Variants in TRPV1 observed in about 807,000 individuals in gnomAD.
The protein encoded by TRPV1 is transient receptor potential cation channel subfamily V member 1.
In TRPV1, 82 loss-of-function variants were observed where a neutral mutation model predicts 82.3. The ratio of observed to expected loss-of-function variants is 1.00; its 90% confidence interval spans 0.83 to 1.20. The LOEUF (loss-of-function observed/expected upper bound fraction) is 1.20. Ranked by LOEUF, TRPV1 falls within the 50% of genes most tolerant of loss-of-function variation. The pLI, the probability that TRPV1 is intolerant of heterozygous loss-of-function variation, is 0.00. For missense variants in TRPV1, 1,067 were observed against 1,096.8 expected (o/e 0.97, Z 0.38); for synonymous variants, 515 against 467.7 (o/e 1.10, Z -1.30).
At chr17:3,571,857 C>G (rs2074858306) in intron 15 of TRPV1, among the ~76,000 whole-genome samples, 1 of 152,182 alleles carries the variant, frequency 6.6e-6, no homozygotes, top group South Asian at 2.1e-4. Flanking sequence ...GGATGCCAGG[C>G]TCTGACGCTG....
chr17:3,597,725 G>A (rs571149596), intron 2 of TRPV1, among the ~76,000 whole-genome samples: 1 of 147,796 alleles, frequency 6.8e-6, no homozygotes, highest in East Asian at 2.0e-4. Flanking sequence ...CCAGGCTGGA[G>A]TGCAATGGCG....
chr17:3,602,413 A>G (rs1032583885), intron 2 of TRPV1: 1 of 152,242 alleles, frequency 6.6e-6, no homozygotes, highest in Non-Finnish European at 1.5e-5. Flanking sequence ...AACTCTCGAC[A>G]TGGTGGCGGG....
intron 10 of TRPV1, 122 bp downstream of exon 10, chr17:3,583,216 C>A: frequency 1.1e-6 from 1 of 896,522 alleles, no homozygotes; most frequent in Non-Finnish European, 1.7e-6. Flanking sequence ...CTGCGTCTCT[C>A]AGCTCCCCAA....
intron 7 of TRPV1, 42 bp from the exon 8 acceptor site, chr17:3,588,409 G>A: frequency 6.5e-7 from 1 of 1,543,446 alleles, no homozygotes; most frequent in East Asian, 2.5e-5. Flanking sequence ...CCAGCCCCAG[G>A]CTCAGCCTCA....
intron 16 of TRPV1, among the ~76,000 whole-genome samples, chr17:3,568,765 G>A (rs960744902): frequency 5.3e-5 from 8 of 152,144 alleles, no homozygotes; most frequent in Non-Finnish European, 1.0e-4. Context: ...AAAAAGGCAA[G>A]GCACGGTGGC....
intron 15 of TRPV1, 94 bp downstream of exon 15, chr17:3,572,028 A>T: frequency 6.7e-7 from 1 of 1,494,838 alleles, no homozygotes; most frequent in Admixed American, 2.0e-5. Flanking sequence ...TGTGCTCATG[A>T]CCAGCCCCTC....
At chr17:3,600,175 TC>T (rs1471569163) in intron 2 of TRPV1, among the ~76,000 whole-genome samples, 1 of 152,156 alleles carries the variant, frequency 6.6e-6, no homozygotes. Context: ...AACTTTCTAG[TC>T]CTCTGGGATC....
intron 7 of TRPV1, among the ~76,000 whole-genome samples, chr17:3,588,581 G>T (rs1304303222): frequency 6.6e-6 from 1 of 152,142 alleles, no homozygotes; most frequent in South Asian, 2.1e-4. Flanking sequence ...GGCTGAGGCG[G>T]GTGGATCACC....
chr17:3,598,803 G>A (rs2075240973), intron 2 of TRPV1, among the ~76,000 whole-genome samples: 1 of 150,154 alleles, frequency 6.7e-6, no homozygotes, highest in Non-Finnish European at 1.5e-5. Context: ...CTGACCTCAA[G>A]TGATCCACCT....
chr17:3,582,169 G>A lies in TRPV1; in HGVS notation c.1476+1169C>T, dbSNP rs59809787. ...TGTGCCACTGCACTCCAGCCTGGGC[G>A]AAAGAGTGAGACTCCATCTCAAAAA... is the stretch of plus-strand genomic sequence containing the variant. On this transcript the variant is annotated intron_variant, in intron 10 of 16. Transcript: ENST00000572705. Among the ~76,000 whole-genome samples the A allele has an allele frequency of 2.4e-3, 241 of 101,818 alleles. 1 individual carries two copies. The highest frequency in any genetic ancestry group is 8.5e-3 in the African/African-American group (227 of 26,604). 66.8% of individuals were successfully genotyped at this position (101,818 alleles called of 152,430 possible). A position where few individuals can be genotyped will look rare whatever the true frequency, so the allele number is the denominator to read the frequency against.
intron 9 of TRPV1, 180 bp downstream of exon 9, chr17:3,585,588 G>A (rs1198704092): frequency 9.7e-6 from 7 of 724,140 alleles, no homozygotes; most frequent in Non-Finnish European, 1.6e-5. Flanking sequence ...TACAGCCTGA[G>A]GCAGGGGAGA....
At chr17:3,602,989 T>TGG (rs1468038122) in intron 2 of TRPV1, among the ~76,000 whole-genome samples, 3 of 151,896 alleles carry the variant, frequency 2.0e-5, no homozygotes, top group Non-Finnish European at 4.4e-5. Flanking sequence ...GGCGTGGTGG[T>TGG]GCATGCCTGT....
At position 3,580,487 on chromosome 17, in the gene TRPV1, A is replaced by G. The variant is rs2074993122; in HGVS notation, c.1517T>C (p.Leu506Pro). ...FLQRRPSMKT[L>P]FVDSYSEMLF... ...CATCTCACTGTAGCTGTCCACAAAC[A>G]GGGTCTTCATCGACGGCCGCCTCTG... The change falls in exon 11 of 17, where the codon CTG (leucine) becomes CCG (proline). Residue 506 changes from leucine (L) to proline (P), a missense_variant. Transcript: ENST00000572705. 5 of 1,613,942 alleles carry G rather than the reference A, an allele frequency of 3.1e-6. No homozygotes were observed. The highest frequency in any genetic ancestry group is 1.3e-5 in the African/African-American group (1 of 74,932).
chr17:3,581,154 A>T (rs1002488941), intron 10 of TRPV1, among the ~76,000 whole-genome samples: 4 of 151,514 alleles, frequency 2.6e-5, no homozygotes, highest in African/African-American at 9.7e-5. Context: ...CTTTTTCCTA[A>T]TTTTTTTTTA....
chr17:3,584,237 C>T (rs1182868650), intron 9 of TRPV1, among the ~76,000 whole-genome samples: 1 of 151,642 alleles, frequency 6.6e-6, no homozygotes, highest in Non-Finnish European at 1.5e-5. Flanking sequence ...GCACTCCAGC[C>T]TGGGCAACAG....
intron 16 of TRPV1, 48 bp from the exon 17 acceptor site, chr17:3,567,035 C>A (rs1474146612): frequency 6.3e-7 from 1 of 1,594,708 alleles, no homozygotes; most frequent in Non-Finnish European, 8.6e-7. Context: ...AACAAACATT[C>A]ACTTCTTGGC....
chr17:3,591,446 A>G (rs2075156734), intron 3 of TRPV1, 93 bp from the exon 4 acceptor site: 1 of 1,434,602 alleles, frequency 7.0e-7, no homozygotes, highest in Non-Finnish European at 9.3e-7. Context: ...CTAAATCCCA[A>G]GGCAAACCAA....
In TRPV1 at chr17:3,590,968, G is replaced by A. The variant is rs766912604; in HGVS notation, c.600C>T (p.Tyr200=). 2 of 1,603,948 alleles carry A rather than the reference G, an allele frequency of 1.2e-6. No individual in the cohort carries two copies. Among genetic ancestry groups the A allele is most frequent in the Middle Eastern group, 2.0e-4 (1 of 5,110 alleles). Residue 200 remains tyrosine, a synonymous_variant, in exon 5 of 17, where the codon TAC becomes TAT. Coordinates refer to ENST00000572705, the MANE Select transcript of TRPV1 (RefSeq NM_080704.4). ...LVNASYTDSY[Y]KGQTALHIAI... Reference sequence around the variant, plus strand: ...CGGCCCCGCCGCCCTCCTCACCCTTGTAGTAGCTGTCCGTGTAGCTGGCGT... The same window carrying A: ...CGGCCCCGCCGCCCTCCTCACCCTTATAGTAGCTGTCCGTGTAGCTGGCGT...
At chr17:3,588,443 T>G (rs905944370) in intron 7 of TRPV1, 76 bp from the exon 8 acceptor site, 3 of 1,478,316 alleles carry the variant, frequency 2.0e-6, no homozygotes, top group Non-Finnish European at 1.8e-6. Flanking sequence ...CAACCAGCTC[T>G]GCTTCCCAGC....
Sources: allele counts gnomAD v4.1 joint callset (sites outside exome capture counted in the v4.1 genomes callset), GRCh38; gene constraint gnomAD v4.1.1; transcripts MANE v1.5; gene names NCBI Gene and HGNC (gene_info 2026-07-23, HGNC 2026-07-21).